AK5: variants seen among roughly 807,000 people sequenced by gnomAD.
AK5 encodes the protein adenylate kinase isoenzyme 5.
Under a neutral mutation model 69.5 loss-of-function variants are expected in AK5, and 27 were observed. The observed-to-expected ratio is 0.39, with a 90% CI of 0.29 to 0.54. The LOEUF (loss-of-function observed/expected upper bound fraction) is 0.54, where lower values mean the gene tolerates loss of function less well. AK5 is among the 20% of genes least tolerant of loss of function. The pLI is 0.71. For synonymous variants in AK5, 260 were observed against 244.4 expected (o/e 1.06, Z -0.60); for missense variants, 531 against 700.4 (o/e 0.76, Z 2.73).
intron 12 of AK5, among the ~76,000 whole-genome samples, chr1:77,533,875 C>T (rs1658810473): frequency 1.3e-5 from 2 of 152,060 alleles, no homozygotes; most frequent in Admixed American, 6.5e-5. Context: ...CTCCCAAGCT[C>T]GCCCTCTGCT....
chr1:77,537,497 A>T (rs1282137010), intron 13 of AK5, among the ~76,000 whole-genome samples: 2 of 152,190 alleles, frequency 1.3e-5, no homozygotes, highest in Non-Finnish European at 2.9e-5. Context: ...CAAGAAGGTA[A>T]GGCTAGGAGA....
intron 5 of AK5, among the ~76,000 whole-genome samples, chr1:77,336,085 C>CT (rs36053089): frequency 0.85 from 114,429 of 134,972 alleles, 48,827 homozygotes; most frequent in East Asian, 0.98. Context: ...TCTTATAACC[C>CT]TTTTTTTTTT....
intron 6 of AK5, among the ~76,000 whole-genome samples, chr1:77,381,093 C>T (rs191224301): frequency 5.3e-5 from 8 of 152,144 alleles, no homozygotes; most frequent in Non-Finnish European, 1.0e-4. Context: ...GTTTGTGTTC[C>T]CCCCCGAATT....
intron 9 of AK5, among the ~76,000 whole-genome samples, chr1:77,485,569 G>T (rs1655535822): frequency 6.6e-6 from 1 of 152,084 alleles, no homozygotes; most frequent in Admixed American, 6.5e-5. Flanking sequence ...AACATTATTT[G>T]CTCTAAGTGA....
At chr1:77,408,417 C>T (rs1649804953) in intron 6 of AK5, among the ~76,000 whole-genome samples, 1 of 152,042 alleles carries the variant, frequency 6.6e-6, no homozygotes, top group African/African-American at 2.4e-5. Flanking sequence ...TTTTTGGCCA[C>T]TTGTAAGTCT....
At chr1:77,555,985 G>A (rs1387238092) in intron 13 of AK5, among the ~76,000 whole-genome samples, 2 of 152,236 alleles carry the variant, frequency 1.3e-5, no homozygotes, top group Non-Finnish European at 2.9e-5. Flanking sequence ...CCATCCAGAT[G>A]TAGAACCTGT....
At chr1:77,497,936 C>T (rs1302121945) in intron 10 of AK5, among the ~76,000 whole-genome samples, 1 of 100,026 alleles carries the variant, frequency 1.0e-5, no homozygotes, top group African/African-American at 2.8e-5. Context: ...CAGTGATGTA[C>T]ATTAAACAAG....
chr1:77,465,988 A>G (rs183443788), intron 8 of AK5, among the ~76,000 whole-genome samples: 2 of 152,288 alleles, frequency 1.3e-5, no homozygotes, highest in East Asian at 3.9e-4. Flanking sequence ...TAAAAAGCAC[A>G]AAACTGATCA....
intron 8 of AK5, among the ~76,000 whole-genome samples, chr1:77,430,092 T>C (rs1651504934): frequency 6.6e-6 from 1 of 150,672 alleles, no homozygotes; most frequent in South Asian, 2.1e-4. Context: ...CTGGCTGCAA[T>C]GTGGAAAACA....
chr1:77,340,951 G>C (rs896072724), intron 6 of AK5: 1 of 163,054 alleles, frequency 6.1e-6, no homozygotes, highest in Admixed American at 6.1e-5. Flanking sequence ...CCACACAGTT[G>C]ATGTGGGGTT....
chr1:77,456,002 G>A lies in AK5; in HGVS notation c.1060-27315G>A, dbSNP rs760788987. Reference sequence around the variant, plus strand: ...TTTTAAAATTCATTTAAATGTGAAGGAAATGTGCTAATTCATGAAAGTAAC... The same window carrying A: ...TTTTAAAATTCATTTAAATGTGAAGAAAATGTGCTAATTCATGAAAGTAAC... On this transcript the variant is annotated intron_variant, in intron 8 of 13. Transcript: ENST00000354567. 8.5e-5 allele frequency among the ~76,000 whole-genome samples: 13 copies of A among 152,288 alleles called. No individual in the cohort carries two copies. The East Asian group carries it at 2.5e-3, about 29-fold the overall frequency.
intron 12 of AK5, among the ~76,000 whole-genome samples, chr1:77,533,291 G>A (rs1194834922): frequency 6.6e-6 from 1 of 152,044 alleles, no homozygotes; most frequent in Non-Finnish European, 1.5e-5. Context: ...TGAGGTGGGT[G>A]GATCACTTGA....
chr1:77,359,508 A>G (rs771560832), intron 6 of AK5, among the ~76,000 whole-genome samples: 6 of 151,874 alleles, frequency 4.0e-5, no homozygotes, highest in Non-Finnish European at 7.4e-5. Flanking sequence ...TTTTCTGTAA[A>G]TTTTTAACAT....
At chr1:77,472,660 A>G (rs192514754) in intron 8 of AK5, among the ~76,000 whole-genome samples, 58 of 151,746 alleles carry the variant, frequency 3.8e-4, no homozygotes, top group African/African-American at 1.3e-3. Context: ...AGGCAGGTGG[A>G]TCGCTTGAGC....
chr1:77,558,590 T>G lies in AK5; in HGVS notation c.1621-12T>G. 6.6e-7 allele frequency: 1 copy of G among 1,518,590 alleles called. No homozygotes were observed. Among genetic ancestry groups the G allele is most frequent in the Non-Finnish European group, 9.1e-7 (1 of 1,095,206 alleles). The allele number at this position is 1,518,590 out of a possible 1,614,324, so 94.1% of individuals were successfully genotyped here. A position where few individuals can be genotyped will look rare whatever the true frequency, so the allele number is the denominator to read the frequency against. Reference sequence around the variant, plus strand: ...TTTCAGACTAACTCTCTTTTTTTCCTTTTAAATATAGATAAATGCAGAGGG... The same window carrying G: ...TTTCAGACTAACTCTCTTTTTTTCCGTTTAAATATAGATAAATGCAGAGGG... On this transcript the variant is annotated splice_polypyrimidine_tract_variant and intron_variant, in intron 13 of 13. Coordinates refer to ENST00000354567, the MANE Select transcript of AK5 (RefSeq NM_174858.3).
rs768505093 is a variant in AK5 at position 77,340,580 on chromosome 1, C to G, written c.891+12C>G. 1 of 1,610,702 alleles carries G rather than the reference C, an allele frequency of 6.2e-7. No homozygotes were observed. Among genetic ancestry groups the G allele is most frequent in the Non-Finnish European group, 8.5e-7 (1 of 1,178,066 alleles). On this transcript the variant is annotated intron_variant, in intron 6 of 13. Transcript: ENST00000354567. ...GGCTCATCATGACAGTAAGTTAGCTCGACTTTTACAAGTCCAATACAAGAG... is the reference window on the plus strand; with the variant it reads ...GGCTCATCATGACAGTAAGTTAGCTGGACTTTTACAAGTCCAATACAAGAG...
intron 6 of AK5, among the ~76,000 whole-genome samples, chr1:77,367,584 ATATGTTATATATG>A (rs1646985262): frequency 1.8e-5 from 1 of 55,374 alleles, no homozygotes; most frequent in African/African-American, 7.5e-5. Context: ...TATATAATAT[ATATGTTATATATG>A]TAATATATAT....
intron 12 of AK5, among the ~76,000 whole-genome samples, chr1:77,522,570 C>T (rs566957560): frequency 1.5e-3 from 233 of 152,270 alleles, no homozygotes; most frequent in African/African-American, 5.4e-3. Context: ...CAGAACTACA[C>T]ACCACCCTCC....
intron 10 of AK5, among the ~76,000 whole-genome samples, chr1:77,510,810 C>G (rs1275253672): frequency 6.6e-6 from 1 of 151,878 alleles, no homozygotes. Context: ...AAAGCAGACC[C>G]AGATCCCATA....
Sources: gnomAD v4.1 joint callset for allele counts (sites outside exome capture counted in the v4.1 genomes callset) on GRCh38, gnomAD v4.1.1 for gene constraint, MANE v1.5 for transcripts, NCBI Gene and HGNC (gene_info 2026-07-23, HGNC 2026-07-21) for gene names.